Variants in DAZAP1 observed in about 807,000 individuals in gnomAD.
DAZAP1 encodes DAZ associated protein 1.
In DAZAP1, 6 loss-of-function variants were observed where a neutral mutation model predicts 60.1. The observed-to-expected ratio is 0.10, with a 90% CI of 0.05 to 0.20. DAZAP1 has a LOEUF of 0.20. Ranked by LOEUF, DAZAP1 falls within the 10% of genes least tolerant of loss-of-function variation. The probability of loss-of-function intolerance (pLI) is 1.00; values close to 1 mark genes in which losing one functional copy is unlikely to be tolerated. For synonymous variants in DAZAP1, 235 were observed against 215.9 expected, an observed-to-expected ratio of 1.09 and a Z score of -0.78; for missense variants, 366 against 560.4, an observed-to-expected ratio of 0.65 and a Z score of 3.50.
rs773025570 is a variant in DAZAP1, at chr19:1,418,068, AC to A, written c.71-130del. 7.2e-6 allele frequency: 6 copies of A among 837,996 alleles called. No homozygotes were observed. Among genetic ancestry groups the A allele is most frequent in the South Asian group, 1.7e-5 (1 of 60,024 alleles). 51.9% of individuals were successfully genotyped at this position (837,996 alleles called of 1,614,324 possible). A position where few individuals can be genotyped will look rare whatever the true frequency, so the allele number is the denominator to read the frequency against. On this transcript the variant is annotated intron_variant, in intron 2 of 11. Transcript: ENST00000233078. The surrounding 1 kb of genome is among the most constrained non-coding windows in gnomAD (Gnocchi z 5.7). ...CAGAATTCCCCAGCGCTTCCCGTAC[AC>A]CCCCCACCCCCAGTGCAGCATCGCT... is the stretch of plus-strand genomic sequence containing the variant.
At chr19:1,415,112 T>G (rs2082938552) in intron 1 of DAZAP1, among the ~76,000 whole-genome samples, 1 of 152,170 alleles carries the variant, frequency 6.6e-6, no homozygotes, top group Non-Finnish European at 1.5e-5. Flanking sequence ...CGGCCCTGTT[T>G]CAGGTTTCTC....
chr19:1,429,645 G>A (rs2083392690), intron 8 of DAZAP1, among the ~76,000 whole-genome samples: 1 of 152,212 alleles, frequency 6.6e-6, no homozygotes, highest in Admixed American at 6.5e-5. Context: ...GACTGTCCCT[G>A]CCCTCTCGAG....
intron 7 of DAZAP1, chr19:1,427,471 G>T (rs973284273): frequency 6.6e-6 from 1 of 152,292 alleles, no homozygotes; most frequent in African/African-American, 2.4e-5. Flanking sequence ...GTCGCCGCCG[G>T]CCCCTCATGG....
intron 8 of DAZAP1, 68 bp from the exon 9 acceptor site, chr19:1,429,899 C>T (rs1319386717): frequency 1.2e-5 from 18 of 1,543,760 alleles, no homozygotes; most frequent in Admixed American, 7.8e-5. Flanking sequence ...CCATGCTCTG[C>T]GGCTCCTTCT....
rs879040173 is a variant in DAZAP1 at position 1,434,616 on chromosome 19, G to A, written c.1049-121G>A. The A allele has an allele frequency of 6.2e-5, 65 of 1,041,320 alleles. No individual in the cohort carries two copies. Among genetic ancestry groups the A allele is most frequent in the African/African-American group, 1.2e-4 (7 of 60,776 alleles). The allele number at this position is 1,041,320 out of a possible 1,614,324, so 64.5% of individuals were successfully genotyped here. On this transcript the variant is annotated intron_variant, in intron 11 of 11. Coordinates refer to ENST00000233078, the MANE Select transcript of DAZAP1 (RefSeq NM_018959.4). The surrounding 1 kb of genome is among the most constrained non-coding windows in gnomAD (Gnocchi z 8.0). ...TGCTGGCCTCAGAAGGGCCCCACCC[G>A]CACCCCGTGGGACCCGTGGACTCAA...
rs1445687555 is a variant in DAZAP1 at position 1,423,928 on chromosome 19, C to T, written c.463+1532C>T. ...CGGGGCCAGCACGTGGCCACATGTC[C>T]TTAGCTGTTGGGCTTTGAAAGTGTC... is the stretch of plus-strand genomic sequence containing the variant. On this transcript the variant is annotated intron_variant, in intron 6 of 11. Transcript: ENST00000233078. The surrounding 1 kb of genome is among the most constrained non-coding windows in gnomAD (Gnocchi z 6.8). Among the ~76,000 whole-genome samples, 9 of 152,358 alleles carry T rather than the reference C, an allele frequency of 5.9e-5. No individual in the cohort carries two copies. In the East Asian group the frequency reaches 1.7e-3, roughly 29 times the overall value.
chr19:1,435,523 G>C lies in DAZAP1; in HGVS notation c.*611G>C, dbSNP rs2083576541. The C allele has an allele frequency of 6.6e-6, 1 of 152,254 alleles. No individual in the cohort carries two copies. 9.4% of individuals were successfully genotyped at this position (152,254 alleles called of 1,614,324 possible). On this transcript the variant is annotated 3_prime_UTR_variant, in exon 12 of 12. Transcript: ENST00000233078. Reference sequence around the variant, plus strand: ...GACTGACCTGCTTGGTAGTGTCTGAGGTGAACTGTGGGGGTTGCGCACAGC... The same window carrying C: ...GACTGACCTGCTTGGTAGTGTCTGACGTGAACTGTGGGGGTTGCGCACAGC...
At chr19:1,417,623 C>G (rs1486346119) in intron 2 of DAZAP1, 83 bp downstream of exon 2, 1 of 1,291,334 alleles carries the variant, frequency 7.7e-7, no homozygotes. Context: ...CCGCCTCTTG[C>G]TACTGTCTTG....
At chr19:1,409,650 A>T (rs951244366) in intron 1 of DAZAP1, among the ~76,000 whole-genome samples, 2 of 152,064 alleles carry the variant, frequency 1.3e-5, no homozygotes, top group Non-Finnish European at 2.9e-5. Flanking sequence ...TTCTATGCGG[A>T]GTCCACGGTC....
chr19:1,410,573 A>G (rs1037669561), intron 1 of DAZAP1, among the ~76,000 whole-genome samples: 2 of 152,132 alleles, frequency 1.3e-5, no homozygotes, highest in African/African-American at 4.8e-5. Context: ...AGCGCCTCTG[A>G]CTTGGATTCT....
At chr19:1,424,658 G>A (rs558873677) in intron 6 of DAZAP1, among the ~76,000 whole-genome samples, 131 of 152,052 alleles carry the variant, frequency 8.6e-4, no homozygotes, top group Middle Eastern at 3.4e-3. Context: ...CTTCTCTGCC[G>A]CGCTCGTTCA....
At chr19:1,409,223 G>A (rs2082755524) in intron 1 of DAZAP1, among the ~76,000 whole-genome samples, 1 of 152,248 alleles carries the variant, frequency 6.6e-6, no homozygotes, top group African/African-American at 2.4e-5. Flanking sequence ...GGCCTGAGCA[G>A]GGAGTCCACC....
rs187218120 is a variant in DAZAP1, at chr19:1,433,218, C to A, written c.1048+528C>A. 9.4e-5 allele frequency: 15 copies of A among 159,756 alleles called. No individual in the cohort carries two copies. Among genetic ancestry groups the A allele is most frequent in the African/African-American group, 3.8e-4 (13 of 34,468 alleles). The allele number at this position is 159,756 out of a possible 1,614,324, so 9.9% of individuals were successfully genotyped here. A position where few individuals can be genotyped will look rare whatever the true frequency, so the allele number is the denominator to read the frequency against. On this transcript the variant is annotated intron_variant, in intron 11 of 11. Transcript: ENST00000233078. This position sits in a 1 kb window ranked among gnomAD's most constrained non-coding sequence, Gnocchi z 6.1. ...GATCTGCAGGCAGCGCATGTGCTTC[C>A]GGGGCAGGAGCTTGTGGGGGGGCGG...
chr19:1,414,753 G>C (rs2082925342), intron 1 of DAZAP1, among the ~76,000 whole-genome samples: 1 of 151,506 alleles, frequency 6.6e-6, no homozygotes, highest in South Asian at 2.1e-4. Context: ...AATTGAGAAA[G>C]TATTTATTAT....
rs1271732632 is a variant in DAZAP1, at chr19:1,435,002, A to G, written c.*90A>G. 9.8e-6 allele frequency: 1 copy of G among 102,482 alleles called. No homozygotes were observed. The highest frequency in any genetic ancestry group is 4.1e-5 in the African/African-American group (1 of 24,142). 6.3% of individuals were successfully genotyped at this position (102,482 alleles called of 1,614,324 possible). A position where few individuals can be genotyped will look rare whatever the true frequency, so the allele number is the denominator to read the frequency against. On this transcript the variant is annotated 3_prime_UTR_variant, in exon 12 of 12. Transcript: ENST00000233078. Reference sequence around the variant, plus strand: ...TCACAAACTTGGCGGCAAAGTGGCGACTCAACCTTGGGGGGGGGGGCGGGG... The same window carrying G: ...TCACAAACTTGGCGGCAAAGTGGCGGCTCAACCTTGGGGGGGGGGGCGGGG...
At position 1,435,021 on chromosome 19, in the gene DAZAP1, G is replaced by GC. The variant is rs986713574; in HGVS notation, c.*109_*110insC. The GC allele has an allele frequency of 2.6e-5, 5 of 190,962 alleles. No individual in the cohort carries two copies. Among genetic ancestry groups the GC allele is most frequent in the East Asian group, 5.0e-4 (2 of 3,980 alleles). The allele number at this position is 190,962 out of a possible 1,614,324, so 11.8% of individuals were successfully genotyped here. On this transcript the variant is annotated 3_prime_UTR_variant, in exon 12 of 12. Coordinates refer to ENST00000233078, the MANE Select transcript of DAZAP1 (RefSeq NM_018959.4). ...GTGGCGACTCAACCTTGGGGGGGGG[G>GC]GCGGGGGGAGGGCGCGAGGCTTTTG... is the stretch of plus-strand genomic sequence containing the variant.
At position 1,422,172 on chromosome 19, in the gene DAZAP1, C is replaced by T. The variant is rs2144816578; in HGVS notation, c.415-176C>T. On this transcript the variant is annotated intron_variant, in intron 5 of 11. Coordinates refer to ENST00000233078, the MANE Select transcript of DAZAP1 (RefSeq NM_018959.4). This position sits in a 1 kb window ranked among gnomAD's most constrained non-coding sequence, Gnocchi z 4.5. Reference sequence around the variant, plus strand: ...GCGTCTGGCCCTGGGAGTGTTGGGGCTCCAGCCTTTCTCAGACAGCAGCCC... The same window carrying T: ...GCGTCTGGCCCTGGGAGTGTTGGGGTTCCAGCCTTTCTCAGACAGCAGCCC... Among the ~76,000 whole-genome samples, 1 of 152,370 alleles carries T rather than the reference C, an allele frequency of 6.6e-6. No homozygotes were observed. The highest frequency in any genetic ancestry group is 2.1e-4 in the South Asian group (1 of 4,832).
At chr19:1,429,308 C>A (rs1435051295) in intron 8 of DAZAP1, among the ~76,000 whole-genome samples, 1 of 152,242 alleles carries the variant, frequency 6.6e-6, no homozygotes, top group Non-Finnish European at 1.5e-5. Context: ...GAGCACGAAA[C>A]CCTGAGAGGG....
Position 1,435,471 on chromosome 19 carries a change from T to G in DAZAP1, c.*559T>G, listed in dbSNP as rs2083575209. 1 of 152,238 alleles carries G rather than the reference T, an allele frequency of 6.6e-6. No homozygotes were observed. Among genetic ancestry groups the G allele is most frequent in the South Asian group, 2.1e-4 (1 of 4,832 alleles). The allele number at this position is 152,238 out of a possible 1,614,324, so 9.4% of individuals were successfully genotyped here. On this transcript the variant is annotated 3_prime_UTR_variant, in exon 12 of 12. Transcript: ENST00000233078. ...AAGAAATCTACTGAGTGTATTTCTGTTTTTTGTTTAATTCCTTGCTTTTGT... is the reference window on the plus strand; with the variant it reads ...AAGAAATCTACTGAGTGTATTTCTGGTTTTTGTTTAATTCCTTGCTTTTGT...
Sources: gnomAD v4.1 joint callset for allele counts (sites outside exome capture counted in the v4.1 genomes callset) on GRCh38, gnomAD v4.1.1 for gene constraint, Gnocchi (gnomAD v3.1) non-coding constraint, MANE v1.5 for transcripts, NCBI Gene and HGNC (gene_info 2026-07-23, HGNC 2026-07-21) for gene names.